SPAG16: variants seen among roughly 807,000 people sequenced by gnomAD.
SPAG16 encodes sperm-associated antigen 16 protein.
In SPAG16, 86 loss-of-function variants were observed where a neutral mutation model predicts 80.4. The ratio of observed to expected loss-of-function variants is 1.07; its 90% CI spans 0.90 to 1.28. The LOEUF (loss-of-function observed/expected upper bound fraction) is 1.28. Ranked by LOEUF, SPAG16 falls within the 50% of genes most tolerant of loss-of-function variation. The probability of loss-of-function intolerance (pLI) is 0.00; values close to 1 mark genes in which losing one functional copy is unlikely to be tolerated. For missense variants in SPAG16, 870 were observed against 765.3 expected, an observed-to-expected ratio of 1.14 and a Z score of -1.61; for synonymous variants, 294 against 265.9, an observed-to-expected ratio of 1.11 and a Z score of -1.03.
chr2:213,515,862 T>C (rs901697434), intron 10 of SPAG16, among the ~76,000 whole-genome samples: 1 of 152,132 alleles, frequency 6.6e-6, no homozygotes, highest in African/African-American at 2.4e-5. Context: ...AATTGTTGCA[T>C]TGTGTGTCTA....
chr2:213,746,663 TG>T (rs549731849), intron 10 of SPAG16, among the ~76,000 whole-genome samples: 101 of 152,134 alleles, frequency 6.6e-4, no homozygotes, highest in Middle Eastern at 3.4e-3. Context: ...AAAAATTAGC[TG>T]GGCGTGGTGG....
chr2:214,298,890 C>T (rs1694344020), intron 15 of SPAG16, among the ~76,000 whole-genome samples: 1 of 152,092 alleles, frequency 6.6e-6, no homozygotes. Context: ...ATGAAATTCT[C>T]AGGTAGTAAC....
At position 213,491,676 on chromosome 2, in the gene SPAG16, A is replaced by G. The variant is rs979166666; in HGVS notation, c.1070+1586A>G. Among the ~76,000 whole-genome samples, 4 of 152,192 alleles carry G rather than the reference A, an allele frequency of 2.6e-5. No homozygotes were observed. The East Asian group carries it at 7.7e-4, about 29-fold the overall frequency. ...ATGGAACGTGTTAGTCAATACAGCA[A>G]TTAAGTGGAGGTTAAGGGAAAAGCT... On this transcript the variant is annotated intron_variant, in intron 10 of 15. Coordinates refer to ENST00000331683, the MANE Select transcript of SPAG16 (RefSeq NM_024532.5).
At chr2:214,132,935 A>T (rs2054854474) in intron 14 of SPAG16, among the ~76,000 whole-genome samples, 2 of 151,966 alleles carry the variant, frequency 1.3e-5, no homozygotes, top group Admixed American at 6.6e-5. Context: ...TCTACTAAAA[A>T]TACAAAATTA....
chr2:213,659,584 A>C (rs1039032285), intron 10 of SPAG16, among the ~76,000 whole-genome samples: 2 of 152,172 alleles, frequency 1.3e-5, no homozygotes, highest in Non-Finnish European at 2.9e-5. Context: ...TGTAAATATA[A>C]AAGATCAAAG....
intron 10 of SPAG16, among the ~76,000 whole-genome samples, chr2:213,832,003 T>A (rs1248922703): frequency 2.0e-5 from 3 of 152,084 alleles, no homozygotes; most frequent in Non-Finnish European, 4.4e-5. Flanking sequence ...TTTATTTTTT[T>A]AATTTTTTAT....
At chr2:213,395,768 G>A (rs921323963) in intron 9 of SPAG16, among the ~76,000 whole-genome samples, 18 of 151,788 alleles carry the variant, frequency 1.2e-4, no homozygotes, top group African/African-American at 4.4e-4. Flanking sequence ...TTAGTTACCA[G>A]GGAAGAATGG....
intron 15 of SPAG16, among the ~76,000 whole-genome samples, chr2:214,337,003 C>T (rs1334735764): frequency 1.4e-5 from 2 of 146,916 alleles, no homozygotes; most frequent in East Asian, 2.0e-4. Flanking sequence ...TTTACAGAGA[C>T]AGAAAATTGA....
At position 213,581,820 on chromosome 2, in the gene SPAG16, C is replaced by CA. The variant is rs894048608; in HGVS notation, c.1070+91731dup. ...ATACCCAGAAGAAGCATGGCCCAAA[C>CA]AGAGATGCTGTGATTTATAAGATGT... On this transcript the variant is annotated intron_variant, in intron 10 of 15. Transcript: ENST00000331683. 3.8e-4 allele frequency among the ~76,000 whole-genome samples: 58 copies of CA among 152,164 alleles called. 1 individual carries two copies. Among genetic ancestry groups the CA allele is most frequent in the Admixed American group, 5.9e-4 (9 of 15,250 alleles).
At chr2:213,891,003 T>C (rs1413666233) in intron 11 of SPAG16, among the ~76,000 whole-genome samples, 1 of 152,118 alleles carries the variant, frequency 6.6e-6, no homozygotes, top group African/African-American at 2.4e-5. Flanking sequence ...AATCATGTTT[T>C]CTTTGAAGAC....
chr2:214,169,672 A>T (rs2056801419), intron 15 of SPAG16, among the ~76,000 whole-genome samples: 1 of 152,098 alleles, frequency 6.6e-6, no homozygotes, highest in African/African-American at 2.4e-5. Context: ...AGACATATAT[A>T]CAACATTAGA....
chr2:213,838,059 G>A lies in SPAG16; in HGVS notation c.1071-24426G>A, dbSNP rs189610233. Among the ~76,000 whole-genome samples, 11 of 152,152 alleles carry A rather than the reference G, an allele frequency of 7.2e-5. No individual in the cohort carries two copies. The East Asian group carries it at 1.4e-3, about 19-fold the overall frequency. ...ATCAGTGTTTTGCTGCCGTTCTTACGGTTGTAAGATGTGGTACTGCATTTC... is the reference window on the plus strand; with the variant it reads ...ATCAGTGTTTTGCTGCCGTTCTTACAGTTGTAAGATGTGGTACTGCATTTC... On this transcript the variant is annotated intron_variant, in intron 10 of 15. Transcript: ENST00000331683.
At chr2:214,038,693 T>TC (rs2048842663) in intron 13 of SPAG16, among the ~76,000 whole-genome samples, 1 of 79,406 alleles carries the variant, frequency 1.3e-5, no homozygotes, top group Non-Finnish European at 2.5e-5. Context: ...CCCTCCCCCC[T>TC]CCCCCTACCC....
intron 9 of SPAG16, among the ~76,000 whole-genome samples, chr2:213,455,711 G>A (rs535116265): frequency 2.0e-5 from 3 of 152,248 alleles, no homozygotes; most frequent in South Asian, 2.1e-4. Context: ...TAGGGTTTGC[G>A]CTCCTGTGAT....
At chr2:213,957,735 C>T (rs2044221867) in intron 12 of SPAG16, among the ~76,000 whole-genome samples, 1 of 152,008 alleles carries the variant, frequency 6.6e-6, no homozygotes. Context: ...GTTTCAATTA[C>T]TTCCTTTGTG....
chr2:213,774,221 C>A (rs1461110719), intron 10 of SPAG16, among the ~76,000 whole-genome samples: 2 of 152,156 alleles, frequency 1.3e-5, no homozygotes, highest in Non-Finnish European at 2.9e-5. Flanking sequence ...TTACCATACA[C>A]TGGGTGGATT....
chr2:213,351,929 AG>A (rs1470555181), intron 7 of SPAG16, among the ~76,000 whole-genome samples: 1 of 152,206 alleles, frequency 6.6e-6, no homozygotes, highest in East Asian at 1.9e-4. Flanking sequence ...CCACGTGTCA[AG>A]GGCGGGACCA....
intron 11 of SPAG16, among the ~76,000 whole-genome samples, chr2:213,894,414 T>G (rs2076909194): frequency 6.6e-6 from 1 of 152,060 alleles, no homozygotes; most frequent in Non-Finnish European, 1.5e-5. Flanking sequence ...AAAACCCTCA[T>G]CAAAATGGAT....
intron 10 of SPAG16, among the ~76,000 whole-genome samples, chr2:213,857,022 G>A (rs2662658): frequency 0.043 from 6,584 of 152,180 alleles, 455 homozygotes; most frequent in African/African-American, 0.15. Context: ...CTAAAGTCAG[G>A]AATTAGAGAC....
Sources: allele counts gnomAD v4.1 joint callset (sites outside exome capture counted in the v4.1 genomes callset), GRCh38; gene constraint gnomAD v4.1.1; transcripts MANE v1.5; gene names NCBI Gene and HGNC (gene_info 2026-07-23, HGNC 2026-07-21).